Variants in CDC40 observed in about 807,000 individuals in gnomAD.
CDC40 encodes the protein cell division cycle 40, also known as pre-mRNA-processing factor 17.
CDC40 carries 27 observed loss-of-function variants against 80.6 expected under a neutral mutation model. That is an observed-to-expected ratio of 0.33 (90% CI 0.25 to 0.46). The LOEUF (loss-of-function observed/expected upper bound fraction) is 0.46, where lower values mean the gene tolerates loss of function less well. CDC40 is among the 20% of genes least tolerant of loss of function. The pLI, the probability that CDC40 is intolerant of heterozygous loss-of-function variation, is 1.00. For missense variants in CDC40, 486 were observed against 694.1 expected, an observed-to-expected ratio of 0.70 and a Z score of 3.37; for synonymous variants, 221 against 232.6, an observed-to-expected ratio of 0.95 and a Z score of 0.45.
chr6:110,216,957 A>G (rs1777708875), intron 9 of CDC40, among the ~76,000 whole-genome samples: 1 of 152,126 alleles, frequency 6.6e-6, no homozygotes, highest in Admixed American at 6.5e-5. Context: ...AAATACAGAA[A>G]TTAGCCAGGC....
intron 3 of CDC40, among the ~76,000 whole-genome samples, chr6:110,202,695 G>A (rs2114658039): frequency 6.6e-6 from 1 of 152,176 alleles, no homozygotes; most frequent in East Asian, 1.9e-4. Flanking sequence ...TTGTTTGTTT[G>A]TTTGTTTGTT....
chr6:110,201,143 A>T (rs868405639), intron 2 of CDC40, among the ~76,000 whole-genome samples: 18 of 152,018 alleles, frequency 1.2e-4, no homozygotes, highest in African/African-American at 2.4e-4. Context: ...TGTAGTTTTT[A>T]AAAAAAATTA....
intron 12 of CDC40, among the ~76,000 whole-genome samples, chr6:110,220,530 C>T (rs751643265): frequency 1.1e-4 from 17 of 150,612 alleles, no homozygotes; most frequent in African/African-American, 3.2e-4. Context: ...CTGCAAGCTC[C>T]GCCTCCCGGG....
In CDC40 at chr6:110,212,242, A is replaced by G; in HGVS notation, c.837A>G (p.Lys279=). ...MPPEKCYLPK[K]QIHVWSGHTK... Reference sequence around the variant, plus strand: ...CTGAGAAGTGTTATCTTCCCAAAAAACAAATTCATGTGTGGTCTGGACACA... The same window carrying G: ...CTGAGAAGTGTTATCTTCCCAAAAAGCAAATTCATGTGTGGTCTGGACACA... The change falls in exon 7 of 15, where the codon AAA becomes AAG. Residue 279 remains lysine, a synonymous_variant. Coordinates refer to ENST00000307731, the MANE Select transcript of CDC40 (RefSeq NM_015891.3). The G allele has an allele frequency of 6.2e-7, 1 of 1,614,132 alleles. No homozygotes were observed. The highest frequency in any genetic ancestry group is 8.5e-7 in the Non-Finnish European group (1 of 1,180,016).
At chr6:110,203,127 T>C (rs1436010193) in intron 3 of CDC40, among the ~76,000 whole-genome samples, 2 of 152,152 alleles carry the variant, frequency 1.3e-5, no homozygotes, top group East Asian at 3.8e-4. Flanking sequence ...AGACAGTTTA[T>C]TAAGTTCAAG....
At chr6:110,221,113 G>A (rs568141056) in intron 12 of CDC40, among the ~76,000 whole-genome samples, 1 of 152,124 alleles carries the variant, frequency 6.6e-6, no homozygotes, top group Admixed American at 6.5e-5. Context: ...ACATATCATA[G>A]TGTGTTCTAT....
At chr6:110,218,716 G>T (rs1321321444) in intron 10 of CDC40, among the ~76,000 whole-genome samples, 2 of 152,012 alleles carry the variant, frequency 1.3e-5, no homozygotes, top group Admixed American at 1.3e-4. Flanking sequence ...CTAGATGATT[G>T]TACTGTGTAG....
intron 2 of CDC40, among the ~76,000 whole-genome samples, chr6:110,197,275 G>C (rs1193750310): frequency 6.6e-6 from 1 of 152,082 alleles, no homozygotes; most frequent in Admixed American, 6.6e-5. Context: ...GTAGTGATCT[G>C]AATTAGTACT....
intron 1 of CDC40, among the ~76,000 whole-genome samples, chr6:110,191,515 C>A (rs1777349191): frequency 6.6e-6 from 1 of 151,952 alleles, no homozygotes; most frequent in Non-Finnish European, 1.5e-5. Flanking sequence ...ATATATATAT[C>A]CACTGAGGAT....
intron 1 of CDC40, among the ~76,000 whole-genome samples, chr6:110,187,040 G>C (rs1032405421): frequency 2.6e-5 from 4 of 151,920 alleles, no homozygotes; most frequent in African/African-American, 9.7e-5. Flanking sequence ...GTTGAGTGGC[G>C]CAATCTCCGC....
intron 2 of CDC40, among the ~76,000 whole-genome samples, chr6:110,195,156 T>C (rs1317032776): frequency 1.3e-5 from 2 of 152,226 alleles, no homozygotes; most frequent in Non-Finnish European, 2.9e-5. Context: ...ATGACTAGGA[T>C]GTGTATCACT....
chr6:110,202,281 G>A (rs1777503382), intron 3 of CDC40, among the ~76,000 whole-genome samples: 1 of 152,140 alleles, frequency 6.6e-6, no homozygotes. Flanking sequence ...GACTTAGAAT[G>A]TACCAAATAT....
Position 110,209,089 on chromosome 6 carries a change from A to G in CDC40, c.496A>G (p.Thr166Ala). Residue 166 changes from threonine to alanine, a missense_variant, in exon 5 of 15, where the codon ACT becomes GCT. By Grantham distance (58) the Thr-to-Ala change is moderately conservative (BLOSUM62 0). This residue lies in a region of CDC40 where 381 missense variants were observed against 492.1 expected (regional missense o/e 0.77). Transcript: ENST00000307731. ...TTTTTTTTTTGTTAACGTAGGTTTA[A>G]CTGTATTTGAAACTGGTCAGAAGAA... ...VEEAEKNQGL[T>A]VFETGQKKTE... The G allele has an allele frequency of 6.4e-7, 1 of 1,555,520 alleles. No homozygotes were observed.
At chr6:110,205,861 A>G (rs992933613) in intron 3 of CDC40, among the ~76,000 whole-genome samples, 1 of 152,218 alleles carries the variant, frequency 6.6e-6, no homozygotes, top group African/African-American at 2.4e-5. Flanking sequence ...CTGTACATCA[A>G]AGAGATTAAA....
chr6:110,187,547 A>AT (rs1777290877), intron 1 of CDC40, among the ~76,000 whole-genome samples: 1 of 152,110 alleles, frequency 6.6e-6, no homozygotes, highest in Non-Finnish European at 1.5e-5. Flanking sequence ...CTGTTCTTTT[A>AT]TATCATTCAC....
intron 3 of CDC40, among the ~76,000 whole-genome samples, chr6:110,205,193 T>C (rs1777547339): frequency 6.6e-6 from 1 of 152,100 alleles, no homozygotes; most frequent in South Asian, 2.1e-4. Flanking sequence ...CTTAAGGGTA[T>C]AATAATAAAA....
chr6:110,231,350 A>G lies in CDC40; in HGVS notation c.*1219A>G, dbSNP rs1777935434. On this transcript the variant is annotated 3_prime_UTR_variant, in exon 15 of 15. Transcript: ENST00000307731. ...CCCCGTCTCTACTAAAAACACAAAA[A>G]TTAGCCAGGCTTGGTGGCTGGCGCC... 1 of 152,252 alleles carries G rather than the reference A, an allele frequency of 6.6e-6. No homozygotes were observed. Among genetic ancestry groups the G allele is most frequent in the Non-Finnish European group, 1.5e-5 (1 of 68,104 alleles). 9.4% of individuals were successfully genotyped at this position (152,252 alleles called of 1,614,324 possible). A position where few individuals can be genotyped will look rare whatever the true frequency, so the allele number is the denominator to read the frequency against.
intron 1 of CDC40, among the ~76,000 whole-genome samples, chr6:110,182,078 A>T (rs762247056): frequency 6.6e-6 from 1 of 152,214 alleles, no homozygotes; most frequent in African/African-American, 2.4e-5. Context: ...AGGCTCTGGA[A>T]TTAAGACTGT....
rs139946815 is a variant in CDC40 at position 110,183,323 on chromosome 6, G to A, written c.189+2690G>A. Reference sequence around the variant, plus strand: ...TACACAAGATTAGGGAAGTATATTTGGTAAGAGAATGGAATGAAAAAGAAA... The same window carrying A: ...TACACAAGATTAGGGAAGTATATTTAGTAAGAGAATGGAATGAAAAAGAAA... On this transcript the variant is annotated intron_variant, in intron 1 of 14. Transcript: ENST00000307731. Among the ~76,000 whole-genome samples, 75 of 152,272 alleles carry A rather than the reference G, an allele frequency of 4.9e-4. No homozygotes were observed. In the East Asian group the frequency reaches 7.7e-3, roughly 16 times the overall value.
Sources: allele counts gnomAD v4.1 joint callset (sites outside exome capture counted in the v4.1 genomes callset), GRCh38; gene constraint gnomAD v4.1.1; regional missense constraint gnomAD v4.1.1; transcripts MANE v1.5; gene names NCBI Gene and HGNC (gene_info 2026-07-23, HGNC 2026-07-21).